Variants in HADHA observed in about 807,000 individuals in gnomAD.
HADHA encodes the protein hydroxyacyl-CoA dehydrogenase trifunctional multienzyme complex subunit alpha, also known as trifunctional enzyme subunit alpha, mitochondrial.
In HADHA, 59 loss-of-function variants were observed where a neutral mutation model predicts 91.3. The observed-to-expected ratio is 0.65, with a 90% CI of 0.52 to 0.80. The LOEUF (loss-of-function observed/expected upper bound fraction) is 0.80. Ranked by LOEUF, HADHA falls within the 30% of genes least tolerant of loss-of-function variation. The pLI is 0.00. For synonymous variants in HADHA, 320 were observed against 338.9 expected (o/e 0.94, Z 0.61); for missense variants, 800 against 927.6 (o/e 0.86, Z 1.79).
chr2:26,236,944 A>G lies in HADHA; in HGVS notation c.225T>C (p.Val75=). The part of the protein sequence containing the change: ...SKELHSEFSE[V]MNEIWASDQI... Reference sequence around the variant, plus strand: ...GATCACTAGCCCAGATTTCATTCATAACTTCTGAGAACTCTGAATGTAGCT... The same window carrying G: ...GATCACTAGCCCAGATTTCATTCATGACTTCTGAGAACTCTGAATGTAGCT... Residue 75 remains valine (V), a synonymous_variant, in exon 4 of 20, where the codon GTT becomes GTC. Coordinates refer to ENST00000380649, the MANE Select transcript of HADHA (RefSeq NM_000182.5). The G allele has an allele frequency of 6.2e-7, 1 of 1,606,482 alleles. No individual in the cohort carries two copies. Among genetic ancestry groups the G allele is most frequent in the Middle Eastern group, 1.7e-4 (1 of 6,044 alleles).
intron 7 of HADHA, among the ~76,000 whole-genome samples, chr2:26,215,484 C>CT (rs1670196014): frequency 6.6e-6 from 1 of 152,086 alleles, no homozygotes; most frequent in African/African-American, 2.4e-5. Context: ...TGCATTCTTG[C>CT]TGCAAAACTG....
At chr2:26,193,801 G>A in intron 16 of HADHA, 29 bp from the exon 17 acceptor site, 3 of 1,591,216 alleles carry the variant, frequency 1.9e-6, no homozygotes, top group South Asian at 1.1e-5. Flanking sequence ...AGGGACCTCA[G>A]GGGAAGGGCA....
chr2:26,203,519 C>T (rs1163072034), intron 12 of HADHA, among the ~76,000 whole-genome samples: 1 of 152,120 alleles, frequency 6.6e-6, no homozygotes, highest in African/African-American at 2.4e-5. Flanking sequence ...TGTAAAGCCC[C>T]AGACACTGTG....
At chr2:26,201,383 A>G (rs1669830623) in intron 12 of HADHA, 63 bp from the exon 13 acceptor site, 3 of 1,141,506 alleles carry the variant, frequency 2.6e-6, no homozygotes, top group Admixed American at 1.7e-5. Context: ...TTGAATGTCC[A>G]TGGGCCAGAG....
chr2:26,231,145 G>T (rs1381549356), intron 6 of HADHA, among the ~76,000 whole-genome samples: 1 of 151,620 alleles, frequency 6.6e-6, no homozygotes, highest in Non-Finnish European at 1.5e-5. Context: ...AAATATTTTT[G>T]ATACACATAT....
At chr2:26,225,136 T>C (rs1349679606) in intron 7 of HADHA, among the ~76,000 whole-genome samples, 2 of 152,200 alleles carry the variant, frequency 1.3e-5, no homozygotes, top group Non-Finnish European at 1.5e-5. Context: ...AATTACTGGT[T>C]AATTCTATCA....
intron 11 of HADHA, 148 bp from the exon 12 acceptor site, chr2:26,204,344 C>CTGTGTT: frequency 1.3e-6 from 1 of 793,650 alleles, no homozygotes; most frequent in Non-Finnish European, 2.1e-6. Flanking sequence ...AAAAACACAG[C>CTGTGTT]TTTAATAAAT....
At chr2:26,213,739 A>AAC (rs1670155877) in intron 9 of HADHA, among the ~76,000 whole-genome samples, 1 of 152,174 alleles carries the variant, frequency 6.6e-6, no homozygotes, top group Non-Finnish European at 1.5e-5. Flanking sequence ...TATCCACCTT[A>AAC]ACACATATAT....
rs1669481726 is a variant in HADHA, at chr2:26,191,091, A to AGAGAT, written c.*154_*158dup. ...TCGAAGTCACACTTCACCAGGAGGG[A>AGAGAT]GAGATGGTCTTGGCTGAAGGCACTT... On this transcript the variant is annotated 3_prime_UTR_variant, in exon 20 of 20. Coordinates refer to ENST00000380649, the MANE Select transcript of HADHA (RefSeq NM_000182.5). 2.8e-6 allele frequency: 2 copies of AGAGAT among 710,110 alleles called. No individual in the cohort carries two copies. 44.0% of individuals were successfully genotyped at this position (710,110 alleles called of 1,614,324 possible).
chr2:26,240,335 T>C (rs565884283), intron 1 of HADHA, among the ~76,000 whole-genome samples: 1 of 152,292 alleles, frequency 6.6e-6, no homozygotes, highest in Middle Eastern at 3.4e-3. Context: ...CAAAAATCCC[T>C]GTCTTGGTGG....
At position 26,232,172 on chromosome 2, in the gene HADHA, C is replaced by G; in HGVS notation, c.561G>C (p.Arg187Ser). Residue 187 changes from arginine (R) to serine (S), a missense_variant, in exon 6 of 20, where the codon AGG (arginine) becomes AGC (serine). Physicochemically the swap from Arg to Ser is moderately radical, Grantham distance 110 (BLOSUM62 -1). Transcript: ENST00000380649. ...ATGTTAGACTCACCATTTTGGGCAG[C>G]CTTTGTGTGCCTCCTGCTCCTGGTA... Reference protein sequence around the residue: ...GALPGAGGTQRLPKMVGVPAA... With the variant: ...GALPGAGGTQSLPKMVGVPAA... 6.2e-7 allele frequency: 1 copy of G among 1,610,998 alleles called. No homozygotes were observed. The highest frequency in any genetic ancestry group is 8.5e-7 in the Non-Finnish European group (1 of 1,177,250).
At chr2:26,222,512 G>A (rs1670397316) in intron 7 of HADHA, among the ~76,000 whole-genome samples, 1 of 152,160 alleles carries the variant, frequency 6.6e-6, no homozygotes, top group Admixed American at 6.5e-5. Flanking sequence ...AAAGTGGATG[G>A]GATGACTCGT....
At chr2:26,242,338 CT>C (rs1380951480) in intron 1 of HADHA, among the ~76,000 whole-genome samples, 2 of 152,154 alleles carry the variant, frequency 1.3e-5, no homozygotes, top group African/African-American at 2.4e-5. Flanking sequence ...ACTTTCCAGA[CT>C]TTTTTTCAAA....
intron 7 of HADHA, among the ~76,000 whole-genome samples, chr2:26,224,609 A>G (rs1670446456): frequency 6.6e-6 from 1 of 152,236 alleles, no homozygotes; most frequent in South Asian, 2.1e-4. Flanking sequence ...AGGACTCTGC[A>G]TCCTCTTCTA....
chr2:26,234,151 G>C (rs1408568694), intron 5 of HADHA, 66 bp downstream of exon 5: 3 of 1,452,698 alleles, frequency 2.1e-6, no homozygotes, highest in African/African-American at 2.8e-5. Flanking sequence ...GTAGCCTAAG[G>C]GTTTACAGCT....
At chr2:26,232,016 A>T in intron 6 of HADHA, 144 bp downstream of exon 6, 1 of 669,844 alleles carries the variant, frequency 1.5e-6, no homozygotes, top group Non-Finnish European at 2.7e-6. Context: ...AATAAGTACC[A>T]GGAATAAAGT....
intron 7 of HADHA, among the ~76,000 whole-genome samples, chr2:26,224,628 ATTAG>A (rs1178786669): frequency 5.9e-5 from 9 of 152,324 alleles, no homozygotes; most frequent in African/African-American, 2.2e-4. Flanking sequence ...TAGGGAAAGG[ATTAG>A]TGTATTTTTG....
chr2:26,193,717 A>T lies in HADHA; in HGVS notation c.1745T>A (p.Val582Glu). The T allele has an allele frequency of 6.2e-7, 1 of 1,614,100 alleles. No homozygotes were observed. Among genetic ancestry groups the T allele is most frequent in the Non-Finnish European group, 8.5e-7 (1 of 1,179,982 alleles). ...DSLTTSFGFPVGAATLVDEVG... is the reference protein window; with the variant it reads ...DSLTTSFGFPEGAATLVDEVG... ...TTCATCCACCAGTGTGGCGGCACCC[A>T]CAGGAAAGCCAAAGCTTGTGGTCAG... The change falls in exon 17 of 20, where the codon GTG (valine) becomes GAG (glutamate). Residue 582 changes from valine to glutamate, a missense_variant. By Grantham distance (121) the Val-to-Glu change is moderately radical (BLOSUM62 -2). Transcript: ENST00000380649.
At chr2:26,217,935 C>T (rs1412349037) in intron 7 of HADHA, among the ~76,000 whole-genome samples, 1 of 151,930 alleles carries the variant, frequency 6.6e-6, no homozygotes, top group Non-Finnish European at 1.5e-5. Context: ...AAAAAAGTGC[C>T]AAGATAAAAG....
Sources: allele counts gnomAD v4.1 joint callset (sites outside exome capture counted in the v4.1 genomes callset), GRCh38; gene constraint gnomAD v4.1.1; transcripts MANE v1.5; gene names NCBI Gene and HGNC (gene_info 2026-07-23, HGNC 2026-07-21).